Variants in DIPK1B observed in about 807,000 individuals in gnomAD.
DIPK1B encodes divergent protein kinase domain 1B, also known as family with sequence similarity 69 member B.
DIPK1B carries 17 observed loss-of-function variants against 20.7 expected under a neutral mutation model. The observed-to-expected ratio is 0.82, with a 90% CI of 0.56 to 1.23. DIPK1B has a LOEUF of 1.23. DIPK1B is among the 50% of genes most tolerant of loss of function. The pLI, the probability that DIPK1B is intolerant of heterozygous loss-of-function variation, is 0.00. For missense variants in DIPK1B, 648 were observed against 601.8 expected (o/e 1.08, Z -0.80); for synonymous variants, 343 against 276.5 (o/e 1.24, Z -2.39).
Position 136,721,838 on chromosome 9 carries a change from G to T in DIPK1B, c.199-83G>T, listed in dbSNP as rs549435068. ...CCAACTGCAGCAAGTGGAGGCCCCT[G>T]CCAGCTTCGGGCCTGTGGGCAGGGG... is the stretch of plus-strand genomic sequence containing the variant. On this transcript the variant is annotated intron_variant, in intron 2 of 4. Coordinates refer to ENST00000371692, the MANE Select transcript of DIPK1B (RefSeq NM_152421.4). The T allele has an allele frequency of 1.0e-3, 1,309 of 1,274,668 alleles. 7 individuals are homozygous for T. The African/African-American group carries it at 0.017, about 17-fold the overall frequency. The allele number at this position is 1,274,668 out of a possible 1,614,324, so 79.0% of individuals were successfully genotyped here.
intron 1 of DIPK1B, among the ~76,000 whole-genome samples, chr9:136,715,517 C>CTTT (rs113806770): frequency 6.9e-6 from 1 of 144,290 alleles, no homozygotes; most frequent in Non-Finnish European, 1.5e-5. Flanking sequence ...TGCCTGCTTA[C>CTTT]TTTTTTTTTT....
chr9:136,716,318 G>T (rs953108242), intron 1 of DIPK1B, among the ~76,000 whole-genome samples: 3 of 149,608 alleles, frequency 2.0e-5, no homozygotes, highest in African/African-American at 7.4e-5. Flanking sequence ...ACCCAGGCTG[G>T]AGTGTAGCGT....
intron 2 of DIPK1B, chr9:136,721,596 C>T (rs1846602240): frequency 3.1e-6 from 1 of 323,424 alleles, no homozygotes; most frequent in Non-Finnish European, 5.9e-6. Flanking sequence ...GTTCCTGCCT[C>T]TGGCCCTGGC....
rs750256638 is a variant in DIPK1B at position 136,722,045 on chromosome 9, G to C, written c.306+17G>C. The stretch of plus-strand genomic sequence containing the variant: ...GGCCAGCAGGTATAGCCACTGGCAG[G>C]GCGGGTGGGCCTGGGGCTGATACTG... On this transcript the variant is annotated intron_variant, in intron 3 of 4. Transcript: ENST00000371692. The C allele has an allele frequency of 6.2e-7, 1 of 1,613,368 alleles. No homozygotes were observed. The highest frequency in any genetic ancestry group is 1.3e-5 in the African/African-American group (1 of 74,924).
chr9:136,723,841 A>G lies in DIPK1B; in HGVS notation c.*67A>G. On this transcript the variant is annotated 3_prime_UTR_variant, in exon 5 of 5. Transcript: ENST00000371692. ...AGGTGCCAGGGTCCAACCCTCCCTC[A>G]AGGAATCCTGTCAGAAGATGTGAAA... 7.0e-7 allele frequency: 1 copy of G among 1,434,858 alleles called. No individual in the cohort carries two copies. The highest frequency in any genetic ancestry group is 9.3e-7 in the Non-Finnish European group (1 of 1,072,468). The allele number at this position is 1,434,858 out of a possible 1,614,324, so 88.9% of individuals were successfully genotyped here. A position where few individuals can be genotyped will look rare whatever the true frequency, so the allele number is the denominator to read the frequency against.
chr9:136,721,521 C>CGCCG, intron 2 of DIPK1B: 3 of 212,154 alleles, frequency 1.4e-5, no homozygotes, highest in Non-Finnish European at 1.9e-5. Flanking sequence ...AGTGTGAATT[C>CGCCG]TAGTTCACCG....
In DIPK1B at chr9:136,712,584, C is replaced by T. The variant is rs944154503; in HGVS notation, c.-82C>T. 4.8e-5 allele frequency: 28 copies of T among 586,724 alleles called. No homozygotes were observed. Among genetic ancestry groups the T allele is most frequent in the Non-Finnish European group, 5.5e-5 (26 of 468,558 alleles). 36.3% of individuals were successfully genotyped at this position (586,724 alleles called of 1,614,324 possible). ...GCGCGCGGCCCGCATGGCGAGGGAGCGGCGGCCGCTGCGGGCCGGGCCGGG... is the reference window on the plus strand; with the variant it reads ...GCGCGCGGCCCGCATGGCGAGGGAGTGGCGGCCGCTGCGGGCCGGGCCGGG... On this transcript the variant is annotated 5_prime_UTR_variant, in exon 1 of 5. Transcript: ENST00000371692. The surrounding 1 kb of genome is among the most constrained non-coding windows in gnomAD (Gnocchi z 5.6).
chr9:136,717,812 G>T lies in DIPK1B; in HGVS notation c.198+101G>T. On this transcript the variant is annotated intron_variant, in intron 2 of 4. Coordinates refer to ENST00000371692, the MANE Select transcript of DIPK1B (RefSeq NM_152421.4). ...AGACACCTTCCTCCCCAGACCCAGG[G>T]CCCACGAGGCACGTGGGTTTCTAGG... 6.5e-6 allele frequency: 10 copies of T among 1,541,220 alleles called. No homozygotes were observed. The South Asian group carries it at 1.2e-4, about 18-fold the overall frequency.
chr9:136,722,925 C>CAACT (rs773233628), intron 4 of DIPK1B, 37 bp from the exon 5 acceptor site: 9 of 1,555,540 alleles, frequency 5.8e-6, no homozygotes, highest in Non-Finnish European at 7.0e-6. Flanking sequence ...GACATCAAAT[C>CAACT]AGCTGGCTTT....
In DIPK1B at chr9:136,723,899, T is replaced by C. The variant is rs1373203519; in HGVS notation, c.*125T>C. The C allele has an allele frequency of 9.9e-7, 1 of 1,009,608 alleles. No individual in the cohort carries two copies. The highest frequency in any genetic ancestry group is 1.6e-5 in the African/African-American group (1 of 61,722). 62.5% of individuals were successfully genotyped at this position (1,009,608 alleles called of 1,614,324 possible). A position where few individuals can be genotyped will look rare whatever the true frequency, so the allele number is the denominator to read the frequency against. On this transcript the variant is annotated 3_prime_UTR_variant, in exon 5 of 5. Coordinates refer to ENST00000371692, the MANE Select transcript of DIPK1B (RefSeq NM_152421.4). ...GTGTTGCAAAATCACTCCCCTACCGTCAGGGCTCTGGATTCCAGCACCACA... is the reference window on the plus strand; with the variant it reads ...GTGTTGCAAAATCACTCCCCTACCGCCAGGGCTCTGGATTCCAGCACCACA...
Position 136,722,014 on chromosome 9 carries a change from G to GC in DIPK1B, c.296dup (p.Gln101ProfsTer20). 4 of 1,613,308 alleles carry GC rather than the reference G, an allele frequency of 2.5e-6. No individual in the cohort carries two copies. Among genetic ancestry groups the GC allele is most frequent in the Non-Finnish European group, 3.4e-6 (4 of 1,179,942 alleles). Reference sequence around the variant, plus strand: ...GGAGTGGAGGACCTGCCTCTCGGTGGCCCCGGGCCAGCAGGTATAGCCACT... The same window carrying GC: ...GGAGTGGAGGACCTGCCTCTCGGTGGCCCCCGGGCCAGCAGGTATAGCCACT... On this transcript the variant is annotated frameshift_variant, in exon 3 of 5. Coordinates refer to ENST00000371692, the MANE Select transcript of DIPK1B (RefSeq NM_152421.4). LOFTEE classifies it high-confidence loss of function.
rs751219157 is a variant in DIPK1B at position 136,723,214 on chromosome 9, C to A, written c.736C>A (p.Pro246Thr). Residue 246 changes from proline to threonine, a missense_variant, in exon 5 of 5, where the codon CCC (proline) becomes ACC (threonine). Pro to Thr is a conservative substitution (Grantham distance 38). Transcript: ENST00000371692. ...CGCCTGGCACGCGGCCGCCCTTCCA[C>A]CCCTGTTGCGCCCACTGCTGCCGCC... ...HGAWHAAALP[P>T]LLRPLLPPAL... is the part of the protein sequence containing the mutation. The A allele has an allele frequency of 6.2e-7, 1 of 1,612,276 alleles. No individual in the cohort carries two copies. The highest frequency in any genetic ancestry group is 1.3e-5 in the African/African-American group (1 of 74,936).
chr9:136,713,151 G>A (rs1026118762), intron 1 of DIPK1B, among the ~76,000 whole-genome samples: 22 of 152,270 alleles, frequency 1.4e-4, no homozygotes, highest in African/African-American at 5.3e-4. Flanking sequence ...CAGCCGTAGC[G>A]CGGGGACCCT....
rs146826809 is a variant in DIPK1B, at chr9:136,722,977, C to A, written c.499C>A (p.Leu167Met). The A allele has an allele frequency of 6.8e-6, 11 of 1,605,954 alleles. No homozygotes were observed. In the African/African-American group the frequency reaches 1.5e-4, roughly 21 times the overall value. ...CAAACGCCAGGCGAACCTGGGAGAC[C>A]TGCCTTCCCTGCCGGCGCTGGTTGG... is the stretch of plus-strand genomic sequence containing the variant. The part of the protein sequence containing the change: ...LSFLKANLGD[L>M]PSLPALVGQV... Residue 167 changes from leucine to methionine, a missense_variant, in exon 5 of 5, where the codon CTG (leucine) becomes ATG (methionine). Coordinates refer to ENST00000371692, the MANE Select transcript of DIPK1B (RefSeq NM_152421.4).
chr9:136,720,407 C>T (rs1399673593), intron 2 of DIPK1B, among the ~76,000 whole-genome samples: 2 of 152,106 alleles, frequency 1.3e-5, no homozygotes, highest in Admixed American at 6.5e-5. Context: ...CTCCCTTCCC[C>T]AGCTCCCTCC....
Position 136,723,588 on chromosome 9 carries a change from C to T in DIPK1B, c.1110C>T (p.Cys370=), listed in dbSNP as rs755812718. 1.5e-5 allele frequency: 24 copies of T among 1,594,160 alleles called. No homozygotes were observed. The highest frequency in any genetic ancestry group is 1.7e-4 in the Middle Eastern group (1 of 5,844). The change falls in exon 5 of 5, where the codon TGC becomes TGT. Residue 370 remains cysteine (C), a synonymous_variant. Coordinates refer to ENST00000371692, the MANE Select transcript of DIPK1B (RefSeq NM_152421.4). ...TCCAGCCCAACCTGGCCAAGGTGTG[C>T]GCACTGCTACGGGGCTACCTGCTGC... ...DLIQPNLAKV[C]ALLRGYLLPG... is the part of the protein sequence containing the mutation.
rs1588284800 is a variant in DIPK1B at position 136,721,524 on chromosome 9, G to A, written c.199-397G>A. On this transcript the variant is annotated intron_variant, in intron 2 of 4. Coordinates refer to ENST00000371692, the MANE Select transcript of DIPK1B (RefSeq NM_152421.4). ...ATATTAGGGACTAGTGTGAATTCTAGTTCACCGGCCAATGCCTGGATGGTC... is the reference window on the plus strand; with the variant it reads ...ATATTAGGGACTAGTGTGAATTCTAATTCACCGGCCAATGCCTGGATGGTC... 4 of 213,910 alleles carry A rather than the reference G, an allele frequency of 1.9e-5. No individual in the cohort carries two copies. The South Asian group carries it at 3.1e-4, about 17-fold the overall frequency. The allele number at this position is 213,910 out of a possible 1,614,324, so 13.3% of individuals were successfully genotyped here.
intron 2 of DIPK1B, among the ~76,000 whole-genome samples, chr9:136,719,743 GAGCCCCAGCCCC>G (rs202217974): frequency 6.6e-6 from 1 of 152,210 alleles, no homozygotes; most frequent in African/African-American, 2.4e-5. Context: ...GGGGACCCTG[GAGCCCCAGCCCC>G]AGCCCCAGCC....
chr9:136,714,138 G>C (rs1846463712), intron 1 of DIPK1B, among the ~76,000 whole-genome samples: 1 of 152,214 alleles, frequency 6.6e-6, no homozygotes, highest in Non-Finnish European at 1.5e-5. Flanking sequence ...GGGACCCCAG[G>C]ATCCACAGCA....
Sources: allele counts gnomAD v4.1 joint callset (sites outside exome capture counted in the v4.1 genomes callset), GRCh38; gene constraint gnomAD v4.1.1; non-coding constraint Gnocchi (gnomAD v3.1); transcripts MANE v1.5; gene names NCBI Gene and HGNC (gene_info 2026-07-23, HGNC 2026-07-21).